The following AMPH variants were observed in gnomAD, a reference collection of about 807,000 sequenced individuals.
AMPH encodes the protein amphiphysin (Stiff-Mann syndrome with breast cancer 128kD autoantigen).
AMPH carries 49 observed loss-of-function variants against 99.1 expected under a neutral mutation model. That is an observed-to-expected ratio of 0.49 (90% confidence interval 0.39 to 0.63). The LOEUF (loss-of-function observed/expected upper bound fraction) is 0.63, where lower values mean the gene tolerates loss of function less well. Among genes scored for constraint, AMPH ranks in the 20% least tolerant of loss-of-function variants. The pLI, the probability that AMPH is intolerant of heterozygous loss-of-function variation, is 0.00. For missense variants in AMPH, 759 were observed against 863.4 expected (o/e 0.88, Z 1.52); for synonymous variants, 314 against 317.3 (o/e 0.99, Z 0.11).
intron 3 of AMPH, among the ~76,000 whole-genome samples, chr7:38,502,979 T>C (rs1195413508): frequency 6.6e-6 from 1 of 152,204 alleles, no homozygotes; most frequent in Admixed American, 6.5e-5. Context: ...TTATGATACA[T>C]CATATCCGTG....
chr7:38,490,820 A>C (rs1351779280), intron 5 of AMPH, among the ~76,000 whole-genome samples: 1 of 152,244 alleles, frequency 6.6e-6, no homozygotes, highest in Admixed American at 6.5e-5. Context: ...AGACTTCTGT[A>C]GAATAATAAA....
intron 1 of AMPH, among the ~76,000 whole-genome samples, chr7:38,597,904 C>T (rs1793114157): frequency 6.6e-6 from 1 of 152,188 alleles, no homozygotes. Flanking sequence ...AGAAAGAGTT[C>T]CCTTTCCTCA....
At chr7:38,533,473 G>A (rs894446034) in intron 2 of AMPH, among the ~76,000 whole-genome samples, 4 of 152,122 alleles carry the variant, frequency 2.6e-5, no homozygotes, top group Admixed American at 2.0e-4. Context: ...TCAGGAATGC[G>A]TTTTGGCAAA....
chr7:38,480,656 GTCAC>G (rs1265578697), intron 5 of AMPH, among the ~76,000 whole-genome samples: 6 of 152,114 alleles, frequency 3.9e-5, no homozygotes, highest in Non-Finnish European at 8.8e-5. Flanking sequence ...TACACACCCA[GTCAC>G]TCAAAGTATG....
At chr7:38,597,095 G>T (rs1272381732) in intron 1 of AMPH, among the ~76,000 whole-genome samples, 2 of 152,180 alleles carry the variant, frequency 1.3e-5, no homozygotes, top group African/African-American at 4.8e-5. Flanking sequence ...CCTCTGAGCT[G>T]ACTATCAAAA....
rs796872460 is a variant in AMPH, at chr7:38,589,068, TTAGAA to T, written c.69+42210_69+42214del. On this transcript the variant is annotated intron_variant, in intron 1 of 20. Coordinates refer to ENST00000356264, the MANE Select transcript of AMPH (RefSeq NM_001635.4). ...TCACAAAAGTAGGTGAGTCCATTCTTTAGAATAGAAAATACCATATTCCTATTGAT... is the reference window on the plus strand; with the variant it reads ...TCACAAAAGTAGGTGAGTCCATTCTTTAGAAAATACCATATTCCTATTGAT... Among the ~76,000 whole-genome samples, 4 of 152,326 alleles carry T rather than the reference TTAGAA, an allele frequency of 2.6e-5. 1 individual carries two copies. Among genetic ancestry groups the T allele is most frequent in the South Asian group, 2.1e-4 (1 of 4,830 alleles).
intron 1 of AMPH, among the ~76,000 whole-genome samples, chr7:38,602,935 G>A (rs895174412): frequency 2.0e-5 from 3 of 151,976 alleles, no homozygotes; most frequent in East Asian, 1.9e-4. Context: ...TCAATATCCC[G>A]GCCCAATGGA....
At chr7:38,436,842 G>A (rs963480718) in intron 11 of AMPH, among the ~76,000 whole-genome samples, 2 of 152,192 alleles carry the variant, frequency 1.3e-5, no homozygotes, top group African/African-American at 4.8e-5. Context: ...TTAAAAGGAA[G>A]GTGCCATTGT....
chr7:38,467,696 GTATA>G (rs10589115), intron 7 of AMPH, among the ~76,000 whole-genome samples: 51,779 of 150,196 alleles, frequency 0.34, 9,481 homozygotes, highest in East Asian at 0.54. Flanking sequence ...ATATATATGT[GTATA>G]TATATATATT....
chr7:38,444,061 A>C (rs1372267078), intron 11 of AMPH, among the ~76,000 whole-genome samples: 2 of 152,170 alleles, frequency 1.3e-5, no homozygotes, highest in Non-Finnish European at 2.9e-5. Flanking sequence ...ACCAGAAAAA[A>C]CAAATTTAAA....
At chr7:38,430,804 T>C (rs1370765158) in intron 13 of AMPH, among the ~76,000 whole-genome samples, 1 of 152,220 alleles carries the variant, frequency 6.6e-6, no homozygotes, top group African/African-American at 2.4e-5. Flanking sequence ...TTAATCTCTC[T>C]TCTTGAGCAC....
At chr7:38,550,790 G>A (rs62444216) in intron 1 of AMPH, among the ~76,000 whole-genome samples, 38,492 of 151,968 alleles carry the variant, frequency 0.25, 5,312 homozygotes, top group Non-Finnish European at 0.31. Context: ...GCTGGGTTTC[G>A]GTTGTTTGTA....
chr7:38,426,351 G>A (rs1424776238), intron 15 of AMPH, among the ~76,000 whole-genome samples: 1 of 152,164 alleles, frequency 6.6e-6, no homozygotes, highest in East Asian at 1.9e-4. Context: ...TAATGGGACA[G>A]TTCATCTTGT....
At chr7:38,523,499 A>T (rs1435438740) in intron 2 of AMPH, among the ~76,000 whole-genome samples, 2 of 152,252 alleles carry the variant, frequency 1.3e-5, no homozygotes, top group African/African-American at 2.4e-5. Context: ...TGTCAAAAGG[A>T]CAAAGGAGTC....
At chr7:38,470,149 A>C (rs1787825803) in intron 7 of AMPH, among the ~76,000 whole-genome samples, 2 of 152,074 alleles carry the variant, frequency 1.3e-5, no homozygotes, top group African/African-American at 4.8e-5. Context: ...TTTGCCCCAC[A>C]TATCTTCAGT....
intron 1 of AMPH, among the ~76,000 whole-genome samples, chr7:38,630,476 G>T (rs766098887): frequency 1.3e-5 from 2 of 151,930 alleles, no homozygotes; most frequent in Non-Finnish European, 2.9e-5. Context: ...ATTTACTGAG[G>T]GACTTGCAAA....
chr7:38,522,005 G>A (rs1478841182), intron 2 of AMPH, among the ~76,000 whole-genome samples: 3 of 152,170 alleles, frequency 2.0e-5, no homozygotes, highest in African/African-American at 7.2e-5. Context: ...AGCTATCATA[G>A]GAAACTCCTG....
At chr7:38,624,691 A>T (rs1487199548) in intron 1 of AMPH, among the ~76,000 whole-genome samples, 1 of 152,024 alleles carries the variant, frequency 6.6e-6, no homozygotes, top group Non-Finnish European at 1.5e-5. Flanking sequence ...TAAAAATAAT[A>T]AAAAAATAAA....
At chr7:38,597,543 A>G (rs1584288177) in intron 1 of AMPH, among the ~76,000 whole-genome samples, 1 of 152,178 alleles carries the variant, frequency 6.6e-6, no homozygotes, top group East Asian at 1.9e-4. Context: ...AAGCAGAATT[A>G]AATACTGTAT....
Sources: gnomAD v4.1 joint callset for allele counts (sites outside exome capture counted in the v4.1 genomes callset) on GRCh38, gnomAD v4.1.1 for gene constraint, MANE v1.5 for transcripts, NCBI Gene and HGNC (gene_info 2026-07-23, HGNC 2026-07-21) for gene names.